Variants in COG5 observed in about 807,000 individuals in gnomAD.
COG5 encodes component of oligomeric golgi complex 5, also known as conserved oligomeric Golgi complex subunit 5.
A neutral mutation model predicts 110.4 loss-of-function variants in COG5; 86 were observed. The observed-to-expected ratio is 0.78, with a 90% CI of 0.65 to 0.93. The LOEUF is 0.93. COG5 is among the 40% of genes least tolerant of loss of function. COG5 has a pLI of 0.00. For missense variants in COG5, 1,077 were observed against 987.0 expected, an observed-to-expected ratio of 1.09 and a Z score of -1.22; for synonymous variants, 360 against 334.6, an observed-to-expected ratio of 1.08 and a Z score of -0.83.
chr7:107,249,552 T>C (rs1802320250), intron 16 of COG5, among the ~76,000 whole-genome samples: 1 of 151,856 alleles, frequency 6.6e-6, no homozygotes, highest in Non-Finnish European at 1.5e-5. Flanking sequence ...TCAAAGATAA[T>C]ATAATGAAGA....
At chr7:107,454,436 T>C (rs1441064219) in intron 6 of COG5, among the ~76,000 whole-genome samples, 1 of 152,188 alleles carries the variant, frequency 6.6e-6, no homozygotes, top group African/African-American at 2.4e-5. Flanking sequence ...GAACAAATTG[T>C]TGTAAGAACA....
intron 6 of COG5, among the ~76,000 whole-genome samples, chr7:107,439,066 T>C (rs1377313496): frequency 1.3e-5 from 2 of 152,152 alleles, no homozygotes; most frequent in Non-Finnish European, 2.9e-5. Context: ...CTAATGATCC[T>C]GTGTTCAACC....
intron 6 of COG5, among the ~76,000 whole-genome samples, chr7:107,507,322 G>C (rs1196368024): frequency 6.9e-6 from 1 of 144,134 alleles, no homozygotes; most frequent in Non-Finnish European, 1.5e-5. Flanking sequence ...TTGAGATGGA[G>C]TCTCGCTGTC....
intron 17 of COG5, among the ~76,000 whole-genome samples, chr7:107,244,887 C>G (rs1584565714): frequency 6.6e-6 from 1 of 152,244 alleles, no homozygotes; most frequent in East Asian, 1.9e-4. Context: ...AGAGCTAGTA[C>G]CATTCCTACA....
chr7:107,512,619 A>T (rs2129145190), intron 6 of COG5, among the ~76,000 whole-genome samples: 1 of 152,358 alleles, frequency 6.6e-6, no homozygotes, highest in East Asian at 1.9e-4. Context: ...ACAAAGCTGG[A>T]GGCATCATGC....
At chr7:107,344,161 ATCTTCTTC>A (rs1414871475) in intron 10 of COG5, among the ~76,000 whole-genome samples, 1 of 152,342 alleles carries the variant, frequency 6.6e-6, no homozygotes, top group Non-Finnish European at 1.5e-5. Context: ...CCTAGTTGGC[ATCTTCTTC>A]TAAGGCTACT....
Position 107,201,572 on chromosome 7 carries a change from T to TTAA in COG5, c.*1941_*1943dup, listed in dbSNP as rs1157775438. The stretch of plus-strand genomic sequence containing the variant: ...TGATAGCATTGAGTCTTGAAATGAT[T>TTAA]TAATAATATGAGTGAGGATTTGCTT... On this transcript the variant is annotated 3_prime_UTR_variant, in exon 22 of 22. Coordinates refer to ENST00000297135, the MANE Select transcript of COG5 (RefSeq NM_006348.5). 2.3e-5 allele frequency: 11 copies of TTAA among 477,092 alleles called. No homozygotes were observed. The highest frequency in any genetic ancestry group is 1.6e-4 in the East Asian group (5 of 30,760). The allele number at this position is 477,092 out of a possible 1,614,324, so 29.6% of individuals were successfully genotyped here. A position where few individuals can be genotyped will look rare whatever the true frequency, so the allele number is the denominator to read the frequency against.
rs139161170 is a variant in COG5 at position 107,357,126 on chromosome 7, T to A, written c.1026+4907A>T. 1.2e-3 allele frequency among the ~76,000 whole-genome samples: 188 copies of A among 152,314 alleles called. 1 individual carries two copies. Among genetic ancestry groups the A allele is most frequent in the African/African-American group, 4.1e-3 (172 of 41,586 alleles). ...TAAAGGTTCTATTGCCAATGATAAT[T>A]ATCTTAACTAGAAAAATAATGTTCT... is the stretch of plus-strand genomic sequence containing the variant. On this transcript the variant is annotated intron_variant, in intron 10 of 21. Transcript: ENST00000297135.
intron 12 of COG5, among the ~76,000 whole-genome samples, chr7:107,290,412 A>AGGTTTTTTTTTT (rs1806064491): frequency 6.6e-6 from 1 of 152,168 alleles, no homozygotes; most frequent in Admixed American, 6.5e-5. Context: ...TGTCTCAGAC[A>AGGTTTTTTTTTT]CTTTTTGTTT....
chr7:107,361,368 T>C (rs1294676022), intron 10 of COG5, among the ~76,000 whole-genome samples: 1 of 152,188 alleles, frequency 6.6e-6, no homozygotes, highest in East Asian at 1.9e-4. Context: ...AAACACATTA[T>C]AATGACTTCT....
chr7:107,353,253 A>G (rs929150617), intron 10 of COG5, among the ~76,000 whole-genome samples: 52 of 151,908 alleles, frequency 3.4e-4, no homozygotes, highest in African/African-American at 1.2e-3. Context: ...GTGAAACCCC[A>G]TCTCTACTAA....
chr7:107,389,981 C>T (rs890681060), intron 7 of COG5, among the ~76,000 whole-genome samples: 3 of 152,162 alleles, frequency 2.0e-5, no homozygotes, highest in Non-Finnish European at 4.4e-5. Context: ...TCTATTTCAC[C>T]CCAATACTCC....
chr7:107,268,210 C>T (rs1370113346), intron 14 of COG5, among the ~76,000 whole-genome samples: 7 of 152,122 alleles, frequency 4.6e-5, no homozygotes, highest in South Asian at 2.1e-4. Flanking sequence ...TCAGGTGATC[C>T]GCCTGCCTCG....
intron 18 of COG5, 79 bp from the exon 19 acceptor site, chr7:107,230,770 G>A (rs956167329): frequency 5.2e-5 from 58 of 1,120,918 alleles, no homozygotes; most frequent in Non-Finnish European, 7.7e-5. Flanking sequence ...ATCACAGAAA[G>A]TTGTAGCTTG....
intron 10 of COG5, among the ~76,000 whole-genome samples, chr7:107,357,896 T>C (rs1238337774): frequency 6.6e-6 from 1 of 152,210 alleles, no homozygotes; most frequent in Admixed American, 6.5e-5. Flanking sequence ...TTTAAACTCA[T>C]GGCATCAAAA....
intron 2 of COG5, among the ~76,000 whole-genome samples, chr7:107,557,500 A>G (rs909417124): frequency 1.6e-4 from 25 of 152,348 alleles, no homozygotes; most frequent in African/African-American, 5.8e-4. Flanking sequence ...GTCAGTTAAC[A>G]ACAGCATAGC....
chr7:107,253,960 C>T (rs1309631433), intron 16 of COG5, among the ~76,000 whole-genome samples: 1 of 152,082 alleles, frequency 6.6e-6, no homozygotes, highest in Non-Finnish European at 1.5e-5. Context: ...CTTTACTGTG[C>T]TCTATTTTTC....
At chr7:107,389,991 C>G (rs1353858556) in intron 7 of COG5, among the ~76,000 whole-genome samples, 1 of 152,162 alleles carries the variant, frequency 6.6e-6, no homozygotes, top group African/African-American at 2.4e-5. Context: ...CCCAATACTC[C>G]ACGTTTGTGA....
intron 7 of COG5, among the ~76,000 whole-genome samples, chr7:107,399,031 G>A (rs145426648): frequency 1.7e-3 from 255 of 151,998 alleles, no homozygotes; most frequent in African/African-American, 5.8e-3. Context: ...GTAAAACCAC[G>A]TCTCTACTAA....
Sources: allele counts gnomAD v4.1 joint callset (sites outside exome capture counted in the v4.1 genomes callset), GRCh38; gene constraint gnomAD v4.1.1; transcripts MANE v1.5; gene names NCBI Gene and HGNC (gene_info 2026-07-23, HGNC 2026-07-21).